S100A10: variants seen among roughly 807,000 people sequenced by gnomAD.
S100A10 encodes protein S100-A10.
Under a neutral mutation model 7.1 loss-of-function variants are expected in S100A10, and 3 were observed. The observed-to-expected ratio is 0.42, with a 90% CI of 0.19 to 1.10. The LOEUF (loss-of-function observed/expected upper bound fraction) is 1.10, where lower values mean the gene tolerates loss of function less well. Ranked by LOEUF, S100A10 falls within the 50% of genes least tolerant of loss-of-function variation. The pLI, the probability that S100A10 is intolerant of heterozygous loss-of-function variation, is 0.29. For synonymous variants in S100A10, 41 were observed against 39.3 expected, an observed-to-expected ratio of 1.04 and a Z score of -0.16; for missense variants, 101 against 118.1, an observed-to-expected ratio of 0.86 and a Z score of 0.67.
rs772578621 is a variant in S100A10, at chr1:151,986,209, C to T, written c.22G>A (p.Ala8Thr). 80 of 1,603,892 alleles carry T rather than the reference C, an allele frequency of 5.0e-5. No individual in the cohort carries two copies. Among genetic ancestry groups the T allele is most frequent in the Non-Finnish European group, 6.5e-5 (77 of 1,176,642 alleles). ...AATGTAAACATCATGGTTTCCATGG[C>T]GTGTTCCATTTGAGATGGCATTTTG... MPSQMEH[A>T]METMMFTFHK... is the part of the protein sequence containing the mutation. The change falls in exon 2 of 3, where the codon GCC becomes ACC. Residue 8 changes from alanine to threonine, a missense_variant. Transcript: ENST00000368811.
intron 1 of S100A10, among the ~76,000 whole-genome samples, chr1:151,992,786 C>T (rs1004737969): frequency 5.3e-5 from 8 of 152,340 alleles, no homozygotes; most frequent in South Asian, 2.1e-4. Context: ...TAGGGCTCCC[C>T]TGTGCTGGCC....
chr1:151,982,933 CTTTA>C lies in S100A10; in HGVS notation c.*226_*229del. On this transcript the variant is annotated 3_prime_UTR_variant, in exon 3 of 3. Coordinates refer to ENST00000368811, the MANE Select transcript of S100A10 (RefSeq NM_002966.3). ...TCTCAAATTTGGAACTAAAAAAGAA[CTTTA>C]TTTATTGAGGGCAAGGGGATGCAAA... 1 of 319,206 alleles carries C rather than the reference CTTTA, an allele frequency of 3.1e-6. No homozygotes were observed. The highest frequency in any genetic ancestry group is 5.0e-5 in the East Asian group (1 of 19,836). 19.8% of individuals were successfully genotyped at this position (319,206 alleles called of 1,614,324 possible).
intron 1 of S100A10, among the ~76,000 whole-genome samples, chr1:151,988,038 T>C (rs968040396): frequency 6.6e-6 from 1 of 152,210 alleles, no homozygotes; most frequent in East Asian, 1.9e-4. Context: ...TGAGCTGCTC[T>C]CACAGTCTGG....
chr1:151,986,363 C>G (rs1399356742), intron 1 of S100A10, 112 bp from the exon 2 acceptor site: 1 of 756,692 alleles, frequency 1.3e-6, no homozygotes, highest in African/African-American at 1.8e-5. Context: ...TTAATGTGTA[C>G]AACATGATGT....
chr1:151,985,647 G>A (rs1655774739), intron 2 of S100A10, among the ~76,000 whole-genome samples: 1 of 152,200 alleles, frequency 6.6e-6, no homozygotes, highest in Non-Finnish European at 1.5e-5. Context: ...AATGTGACCA[G>A]GATGTGGCAT....
intron 1 of S100A10, among the ~76,000 whole-genome samples, chr1:151,990,890 G>A (rs1018891881): frequency 6.6e-6 from 1 of 152,222 alleles, no homozygotes; most frequent in Non-Finnish European, 1.5e-5. Context: ...GAATTGTTAA[G>A]AAATTGATAA....
chr1:151,992,314 C>T (rs1186793174), intron 1 of S100A10, among the ~76,000 whole-genome samples: 1 of 152,174 alleles, frequency 6.6e-6, no homozygotes, highest in Non-Finnish European at 1.5e-5. Context: ...GAAACTCAAG[C>T]TTCTGGGGAA....
At chr1:151,987,507 A>G (rs188102101) in intron 1 of S100A10, among the ~76,000 whole-genome samples, 1 of 151,692 alleles carries the variant, frequency 6.6e-6, no homozygotes, top group East Asian at 1.9e-4. Context: ...TCTGCTTACA[A>G]ATGAATTTAT....
chr1:151,986,976 T>C (rs1023164753), intron 1 of S100A10, among the ~76,000 whole-genome samples: 2 of 150,656 alleles, frequency 1.3e-5, no homozygotes, highest in African/African-American at 2.4e-5. Flanking sequence ...GCATGAATAA[T>C]CTAATGAAGA....
intron 2 of S100A10, among the ~76,000 whole-genome samples, chr1:151,985,567 T>C (rs921607333): frequency 2.6e-5 from 4 of 152,188 alleles, no homozygotes; most frequent in Non-Finnish European, 5.9e-5. Context: ...CTTTGTAGTA[T>C]TAGAAAAAGA....
intron 1 of S100A10, among the ~76,000 whole-genome samples, chr1:151,987,659 C>T (rs1490184104): frequency 1.3e-5 from 2 of 151,460 alleles, no homozygotes; most frequent in Admixed American, 1.3e-4. Context: ...CCTGCCTCAG[C>T]CTCCCGAGTA....
intron 2 of S100A10, among the ~76,000 whole-genome samples, chr1:151,984,443 T>C (rs913327030): frequency 1.3e-5 from 2 of 152,346 alleles, no homozygotes; most frequent in Middle Eastern, 3.4e-3. Flanking sequence ...GTGGTCAGAA[T>C]GAGTGAAATC....
chr1:151,991,661 C>T (rs917218046), intron 1 of S100A10, among the ~76,000 whole-genome samples: 1 of 152,226 alleles, frequency 6.6e-6, no homozygotes, highest in Non-Finnish European at 1.5e-5. Context: ...GTCCAGCTTT[C>T]TCAGCACTTT....
chr1:151,983,083 G>T lies in S100A10; in HGVS notation c.*80C>A, dbSNP rs929505792. On this transcript the variant is annotated 3_prime_UTR_variant, in exon 3 of 3. Transcript: ENST00000368811. The stretch of plus-strand genomic sequence containing the variant: ...TGATCTGCTCATGAAATCCTTCTAT[G>T]GGGGAAGCTGTGGGGCAGATTCCTT... The T allele has an allele frequency of 1.0e-6, 1 of 963,926 alleles. No individual in the cohort carries two copies. The highest frequency in any genetic ancestry group is 1.5e-6 in the Non-Finnish European group (1 of 682,824). The allele number at this position is 963,926 out of a possible 1,614,324, so 59.7% of individuals were successfully genotyped here.
At chr1:151,989,702 G>A (rs1008088531) in intron 1 of S100A10, among the ~76,000 whole-genome samples, 2 of 152,222 alleles carry the variant, frequency 1.3e-5, no homozygotes, top group Non-Finnish European at 2.9e-5. Context: ...CTGGCCCTCC[G>A]TTCTTGGGTG....
intron 1 of S100A10, among the ~76,000 whole-genome samples, chr1:151,988,694 G>C (rs1655846591): frequency 2.0e-5 from 3 of 152,098 alleles, no homozygotes; most frequent in Admixed American, 2.0e-4. Flanking sequence ...GAATTCCAGG[G>C]GAACCACACC....
In S100A10 at chr1:151,986,034, A is replaced by G. The variant is rs1344371753; in HGVS notation, c.132+65T>C. 6 of 1,426,808 alleles carry G rather than the reference A, an allele frequency of 4.2e-6. No homozygotes were observed. In the East Asian group the frequency reaches 1.3e-4, roughly 30 times the overall value. The allele number at this position is 1,426,808 out of a possible 1,614,324, so 88.4% of individuals were successfully genotyped here. Reference sequence around the variant, plus strand: ...GGGAAGGGATGGAAACAAGAAGGAAAAGGAACCAAGGCCTAGAAGCATTGA... The same window carrying G: ...GGGAAGGGATGGAAACAAGAAGGAAGAGGAACCAAGGCCTAGAAGCATTGA... On this transcript the variant is annotated intron_variant, in intron 2 of 2. Transcript: ENST00000368811.
chr1:151,987,495 A>C (rs576379365), intron 1 of S100A10, among the ~76,000 whole-genome samples: 52 of 151,870 alleles, frequency 3.4e-4, no homozygotes, highest in African/African-American at 1.2e-3. Context: ...AGGGTTTAGA[A>C]ATCTGCTTAC....
At chr1:151,991,322 G>A (rs1173035119) in intron 1 of S100A10, among the ~76,000 whole-genome samples, 3 of 152,128 alleles carry the variant, frequency 2.0e-5, no homozygotes, top group African/African-American at 7.2e-5. Context: ...ACTAAAACTT[G>A]CCCACTAAAG....
Sources: allele counts gnomAD v4.1 joint callset (sites outside exome capture counted in the v4.1 genomes callset), GRCh38; gene constraint gnomAD v4.1.1; transcripts MANE v1.5; gene names NCBI Gene and HGNC (gene_info 2026-07-23, HGNC 2026-07-21).